Variants in NTRK3 observed in about 807,000 individuals in gnomAD.
NTRK3 encodes the protein NT-3 growth factor receptor.
A neutral mutation model predicts 91.7 loss-of-function variants in NTRK3; 24 were observed. That is an observed-to-expected ratio of 0.26 (90% CI 0.19 to 0.37). The LOEUF (loss-of-function observed/expected upper bound fraction) is 0.37, where lower values mean the gene tolerates loss of function less well. Among genes scored for constraint, NTRK3 ranks in the 10% least tolerant of loss-of-function variants. The probability of loss-of-function intolerance (pLI) is 1.00; values close to 1 mark genes in which losing one functional copy is unlikely to be tolerated. For missense variants in NTRK3, 880 were observed against 1,068.9 expected, an observed-to-expected ratio of 0.82 and a Z score of 2.46; for synonymous variants, 483 against 404.0, an observed-to-expected ratio of 1.20 and a Z score of -2.34.
At chr15:87,936,167 C>T (rs2069258299) in intron 15 of NTRK3, among the ~76,000 whole-genome samples, 1 of 152,148 alleles carries the variant, frequency 6.6e-6, no homozygotes, top group East Asian at 1.9e-4. Flanking sequence ...TGGGAAAGAA[C>T]CGATTTATCA....
At chr15:87,901,769 G>T (rs1397380782) in intron 17 of NTRK3, among the ~76,000 whole-genome samples, 4 of 151,166 alleles carry the variant, frequency 2.6e-5, no homozygotes, top group African/African-American at 4.9e-5. Context: ...TGGGGAGGGG[G>T]GGAGAGGGGG....
chr15:88,081,090 TG>T (rs1410866112), intron 13 of NTRK3, among the ~76,000 whole-genome samples: 2 of 152,334 alleles, frequency 1.3e-5, no homozygotes, highest in East Asian at 3.9e-4. Context: ...TAGCACAGAT[TG>T]GCAAAGGGCA....
At chr15:88,142,668 T>C (rs566052675) in intron 6 of NTRK3, among the ~76,000 whole-genome samples, 2 of 152,312 alleles carry the variant, frequency 1.3e-5, no homozygotes, top group African/African-American at 4.8e-5. Context: ...ACAGGCCTCC[T>C]TGAGATAACA....
chr15:87,926,598 C>T (rs1388647144), intron 17 of NTRK3: 1 of 152,148 alleles, frequency 6.6e-6, no homozygotes, highest in Non-Finnish European at 1.5e-5. Flanking sequence ...TTCCTTGTAG[C>T]CCTTTTAGGC....
intron 13 of NTRK3, chr15:88,098,664 G>A (rs1214529704): frequency 4.3e-6 from 1 of 231,534 alleles, no homozygotes; most frequent in Non-Finnish European, 8.5e-6. Flanking sequence ...TTAACAATCT[G>A]GAAGAAGATG....
At chr15:87,985,280 A>C (rs2074656029) in intron 14 of NTRK3, among the ~76,000 whole-genome samples, 1 of 152,218 alleles carries the variant, frequency 6.6e-6, no homozygotes, top group African/African-American at 2.4e-5. Context: ...CATGTCATCC[A>C]CTGGCTGTGT....
intron 14 of NTRK3, among the ~76,000 whole-genome samples, chr15:87,994,198 C>T (rs889605940): frequency 6.6e-5 from 10 of 152,004 alleles, no homozygotes; most frequent in African/African-American, 9.7e-5. Flanking sequence ...TTCCATGTGG[C>T]GGGAGCAACA....
chr15:88,165,397 G>C (rs2044838872), intron 5 of NTRK3, among the ~76,000 whole-genome samples: 1 of 152,124 alleles, frequency 6.6e-6, no homozygotes, highest in Admixed American at 6.5e-5. Flanking sequence ...TCTTAGACCT[G>C]CACTACTGCT....
intron 13 of NTRK3, among the ~76,000 whole-genome samples, chr15:88,109,260 G>C (rs770233466): frequency 3.3e-5 from 5 of 152,194 alleles, no homozygotes; most frequent in Non-Finnish European, 5.9e-5. Flanking sequence ...GCCTCACGCA[G>C]AGGGTGGGGA....
intron 6 of NTRK3, among the ~76,000 whole-genome samples, chr15:88,144,757 C>G (rs547245204): frequency 1.3e-5 from 2 of 152,176 alleles, no homozygotes; most frequent in African/African-American, 4.8e-5. Context: ...GACAGAACCT[C>G]ACACACATTA....
intron 14 of NTRK3, among the ~76,000 whole-genome samples, chr15:88,001,595 ATTATATCCTT>A (rs2076100621): frequency 6.6e-6 from 1 of 152,178 alleles, no homozygotes; most frequent in African/African-American, 2.4e-5. Context: ...TTAAAAGACT[ATTATATCCTT>A]TTTGAATTGT....
At chr15:87,895,347 G>C (rs16940983) in intron 17 of NTRK3, among the ~76,000 whole-genome samples, 8,615 of 152,206 alleles carry the variant, frequency 0.057, 823 homozygotes, top group African/African-American at 0.2. Context: ...TTTACATTTT[G>C]GTTCTGAGGA....
chr15:87,951,338 C>A (rs1302853044), intron 14 of NTRK3, among the ~76,000 whole-genome samples: 1 of 152,192 alleles, frequency 6.6e-6, no homozygotes, highest in Non-Finnish European at 1.5e-5. Context: ...CTGGGCAGCT[C>A]AGAGGAAACC....
At position 87,967,527 on chromosome 15, in the gene NTRK3, G is replaced by T. The variant is rs193145655; in HGVS notation, c.1586-26774C>A. ...ATGTTCCTTAAACAAGTCCAAATGT[G>T]ATGCACAATGAGAGCTACAGTGCAA... On this transcript the variant is annotated intron_variant, in intron 14 of 18. Coordinates refer to ENST00000394480, the Ensembl canonical transcript of NTRK3. 2.2e-4 allele frequency among the ~76,000 whole-genome samples: 34 copies of T among 152,290 alleles called. 1 individual carries two copies. The East Asian group carries it at 6.4e-3, about 29-fold the overall frequency.
chr15:87,871,873 A>G, exon 19 of NTRK3: 1 of 221,766 alleles, frequency 4.5e-6, no homozygotes, highest in Non-Finnish European at 9.0e-6. Context: ...ATTAAGCAAC[A>G]CCAAAACATT....
chr15:88,202,753 T>A (rs1230808809), intron 3 of NTRK3, among the ~76,000 whole-genome samples: 1 of 152,212 alleles, frequency 6.6e-6, no homozygotes. Flanking sequence ...TCCACACCTG[T>A]GTGTCCAAAG....
intron 3 of NTRK3, among the ~76,000 whole-genome samples, chr15:88,204,367 T>C (rs1297643308): frequency 2.0e-5 from 3 of 146,410 alleles, no homozygotes; most frequent in Non-Finnish European, 4.5e-5. Flanking sequence ...CACAGAGTTC[T>C]TGAGATGATT....
At chr15:87,874,025 T>A (rs1596041596) in exon 19 of NTRK3, 1 of 228,128 alleles carries the variant, frequency 4.4e-6, no homozygotes, top group East Asian at 6.3e-5. Context: ...GGGCCAGAGA[T>A]TAGCAGGTGT....
chr15:88,233,269 T>A lies in NTRK3; in HGVS notation c.248+22637A>T, dbSNP rs543164356. On this transcript the variant is annotated intron_variant, in intron 3 of 18. Transcript: ENST00000394480. This position sits in a 1 kb window ranked among gnomAD's most constrained non-coding sequence, Gnocchi z 4.2. ...AGTGTAATCTCTCAGTATCCAGGAC[T>A]TCATTTGCAGAGATATTATAATGCA... Among the ~76,000 whole-genome samples the A allele has an allele frequency of 1.3e-5, 2 of 152,234 alleles. No individual in the cohort carries two copies. Among genetic ancestry groups the A allele is most frequent in the African/African-American group, 4.8e-5 (2 of 41,538 alleles).
Sources: allele counts gnomAD v4.1 joint callset (sites outside exome capture counted in the v4.1 genomes callset), GRCh38; gene constraint gnomAD v4.1.1; non-coding constraint Gnocchi (gnomAD v3.1); transcripts MANE v1.5; gene names NCBI Gene and HGNC (gene_info 2026-07-23, HGNC 2026-07-21).